Variants in GIGYF2 observed in about 807,000 individuals in gnomAD.
GIGYF2 encodes GRB10 interacting GYF protein 2, also known as GRB10-interacting GYF protein 2.
A neutral mutation model predicts 208.1 loss-of-function variants in GIGYF2; 25 were observed. The ratio of observed to expected loss-of-function variants is 0.12; its 90% CI spans 0.09 to 0.17. The LOEUF is 0.17. Ranked by LOEUF, GIGYF2 falls within the 10% of genes least tolerant of loss-of-function variation. The pLI, the probability that GIGYF2 is intolerant of heterozygous loss-of-function variation, is 1.00. For missense variants in GIGYF2, 1,302 were observed against 1,579.4 expected (o/e 0.82, Z 2.98); for synonymous variants, 534 against 543.8 (o/e 0.98, Z 0.25).
At chr2:232,701,372 G>C (rs1276746568) in intron 1 of GIGYF2, among the ~76,000 whole-genome samples, 1 of 151,342 alleles carries the variant, frequency 6.6e-6, no homozygotes, top group Admixed American at 6.6e-5. Context: ...TGTCTCCTGG[G>C]GGTTTGGGGT....
At chr2:232,711,815 T>G (rs1696427751) in intron 2 of GIGYF2, among the ~76,000 whole-genome samples, 1 of 150,906 alleles carries the variant, frequency 6.6e-6, no homozygotes, top group Non-Finnish European at 1.5e-5. Flanking sequence ...GTTTTTTTTC[T>G]TTTTTTGTAT....
chr2:232,756,242 T>C lies in GIGYF2; in HGVS notation c.287T>C (p.Val96Ala). 6.5e-7 allele frequency: 1 copy of C among 1,542,426 alleles called. No homozygotes were observed. The highest frequency in any genetic ancestry group is 8.9e-7 in the Non-Finnish European group (1 of 1,129,534). ...TGGCAGAGAAACTTTTCCATGTCTG[T>C]AAATAGTGCTGCTGTCCTGCGATTG... The part of the protein sequence containing the change: ...EEEQRNFSMS[V>A]NSAAVLRLTG... The change falls in exon 6 of 29, where the codon GTA becomes GCA. Residue 96 changes from valine to alanine, a missense_variant. Around this residue, in one of 8 missense-constraint regions of GIGYF2, gnomAD observed 189 missense variants for 257.7 expected, o/e 0.73. Coordinates refer to ENST00000373563, the MANE Select transcript of GIGYF2 (RefSeq NM_001103146.3).
At chr2:232,801,992 T>C (rs754963542) in intron 14 of GIGYF2, among the ~76,000 whole-genome samples, 2 of 152,244 alleles carry the variant, frequency 1.3e-5, no homozygotes, top group Non-Finnish European at 2.9e-5. Context: ...TTTTACATCC[T>C]TGGTTAATCC....
Position 232,798,858 on chromosome 2 carries a change from AAT to A in GIGYF2, c.1639+2642_1639+2643del, listed in dbSNP as rs1384854300. ...AAATTTACCATCTTAGCCATTTTTA[AAT>A]ATATGGTTCAGTGGTATTAAATACT... is the stretch of plus-strand genomic sequence containing the variant. On this transcript the variant is annotated intron_variant, in intron 14 of 28. Transcript: ENST00000373563. Among the ~76,000 whole-genome samples the A allele has an allele frequency of 4.0e-5, 6 of 151,460 alleles. No individual in the cohort carries two copies. The South Asian group carries it at 1.0e-3, about 26-fold the overall frequency.
chr2:232,761,847 CTT>C (rs775990180), intron 8 of GIGYF2, among the ~76,000 whole-genome samples: 8 of 138,570 alleles, frequency 5.8e-5, no homozygotes, highest in African/African-American at 2.1e-4. Context: ...CTGTATAGTC[CTT>C]TTTTTTTTTT....
At chr2:232,698,622 C>T (rs1335698303) in intron 1 of GIGYF2, among the ~76,000 whole-genome samples, 1 of 152,304 alleles carries the variant, frequency 6.6e-6, no homozygotes, top group East Asian at 1.9e-4. Context: ...ACGTGTTTTA[C>T]TAGTTGGTGT....
At chr2:232,843,980 A>G (rs750959315) in intron 23 of GIGYF2, 66 bp from the exon 24 acceptor site, 2 of 1,422,802 alleles carry the variant, frequency 1.4e-6, no homozygotes, top group East Asian at 4.5e-5. Flanking sequence ...CATTTAGTAT[A>G]CTGGATATTT....
At chr2:232,844,681 T>A (rs1701939807) in intron 25 of GIGYF2, 107 bp downstream of exon 25, 1 of 759,742 alleles carries the variant, frequency 1.3e-6, no homozygotes, top group Non-Finnish European at 2.3e-6. Context: ...GAGTTTTTGC[T>A]TACCGTTTTC....
At position 232,756,832 on chromosome 2, in the gene GIGYF2, T is replaced by A. The variant is rs114245474; in HGVS notation, c.379+498T>A. Among the ~76,000 whole-genome samples the A allele has an allele frequency of 1.2e-3, 177 of 152,364 alleles. 1 individual carries two copies. The highest frequency in any genetic ancestry group is 4.0e-3 in the African/African-American group (166 of 41,596). On this transcript the variant is annotated intron_variant, in intron 6 of 28. Coordinates refer to ENST00000373563, the MANE Select transcript of GIGYF2 (RefSeq NM_001103146.3). ...TTCTGCCACATTCATTTATTTAACC[T>A]ATAGTTTTACATATTTTTGTCTTGG... is the stretch of plus-strand genomic sequence containing the variant.
chr2:232,730,758 C>T (rs71421662), intron 2 of GIGYF2, among the ~76,000 whole-genome samples: 9 of 145,842 alleles, frequency 6.2e-5, no homozygotes, highest in Admixed American at 2.7e-4. Flanking sequence ...ATTAGCCGGG[C>T]GTAGTGGCGG....
At chr2:232,748,435 C>A (rs1698227793) in intron 4 of GIGYF2, among the ~76,000 whole-genome samples, 1 of 152,000 alleles carries the variant, frequency 6.6e-6, no homozygotes, top group African/African-American at 2.4e-5. Flanking sequence ...GATATGCGTT[C>A]CCACGCTTGG....
Position 232,816,942 on chromosome 2 carries a change from A to G in GIGYF2, c.2280A>G (p.Glu760=), listed in dbSNP as rs1179493396. Residue 760 remains glutamate (E), a synonymous_variant, in exon 20 of 29, where the codon GAA becomes GAG. Transcript: ENST00000373563. ...REEEERKRQE[E]LRRQQEEILR... ...AGGAAGAGCGAAAGAGGCAGGAAGA[A>G]CTCCGAAGACAACAGGAGGAAATTC... 4 of 1,612,062 alleles carry G rather than the reference A, an allele frequency of 2.5e-6. No homozygotes were observed. The highest frequency in any genetic ancestry group is 3.4e-6 in the Non-Finnish European group (4 of 1,178,274).
intron 18 of GIGYF2, among the ~76,000 whole-genome samples, chr2:232,812,905 A>G (rs894955294): frequency 2.0e-5 from 3 of 152,004 alleles, no homozygotes; most frequent in African/African-American, 4.8e-5. Context: ...GGAGGCTGAG[A>G]TGGGAGGATT....
intron 8 of GIGYF2, among the ~76,000 whole-genome samples, chr2:232,777,105 G>A (rs1699547733): frequency 6.6e-6 from 1 of 151,548 alleles, no homozygotes; most frequent in Non-Finnish European, 1.5e-5. Context: ...TTTTTGGTTA[G>A]GAAACAAACT....
At chr2:232,782,747 G>C (rs1032877918) in intron 8 of GIGYF2, 1 of 152,160 alleles carries the variant, frequency 6.6e-6, no homozygotes, top group Non-Finnish European at 1.5e-5. Context: ...ATGAATCTTC[G>C]TAATGTTCAG....
At chr2:232,800,901 A>G (rs1700377482) in intron 14 of GIGYF2, among the ~76,000 whole-genome samples, 1 of 150,860 alleles carries the variant, frequency 6.6e-6, no homozygotes, top group Non-Finnish European at 1.5e-5. Flanking sequence ...TTTTTGAGAC[A>G]GAGCCTTGCT....
chr2:232,819,822 C>T lies in GIGYF2; in HGVS notation c.2371-5C>T, dbSNP rs774936086. On this transcript the variant is annotated splice_polypyrimidine_tract_variant and splice_region_variant and intron_variant, in intron 20 of 28. Coordinates refer to ENST00000373563, the MANE Select transcript of GIGYF2 (RefSeq NM_001103146.3). ...CACCCCCCACCCTCCATCTTTTTTCCTTAGGAAGAGGCTCTGCGTCGCCAG... is the reference window on the plus strand; with the variant it reads ...CACCCCCCACCCTCCATCTTTTTTCTTTAGGAAGAGGCTCTGCGTCGCCAG... 1.1e-6 allele frequency: 1 copy of T among 907,140 alleles called. No homozygotes were observed. Among genetic ancestry groups the T allele is most frequent in the Non-Finnish European group, 1.5e-6 (1 of 651,804 alleles). 56.2% of individuals were successfully genotyped at this position (907,140 alleles called of 1,614,324 possible). A position where few individuals can be genotyped will look rare whatever the true frequency, so the allele number is the denominator to read the frequency against.
At chr2:232,795,941 C>A in intron 13 of GIGYF2, 121 bp from the exon 14 acceptor site, 1 of 746,206 alleles carries the variant, frequency 1.3e-6, no homozygotes, top group Non-Finnish European at 2.4e-6. Flanking sequence ...CTGCTATGTT[C>A]TTTGCATAGT....
At chr2:232,842,933 T>C (rs1701862995) in intron 23 of GIGYF2, 1 of 152,198 alleles carries the variant, frequency 6.6e-6, no homozygotes, top group Admixed American at 6.5e-5. Flanking sequence ...CTGCTTCTTT[T>C]TACAGCCTTT....
Sources: gnomAD v4.1 joint callset for allele counts (sites outside exome capture counted in the v4.1 genomes callset) on GRCh38, gnomAD v4.1.1 for gene constraint, gnomAD v4.1.1 regional missense constraint, MANE v1.5 for transcripts, NCBI Gene and HGNC (gene_info 2026-07-23, HGNC 2026-07-21) for gene names.